Variants in KCNQ3 observed in about 807,000 individuals in gnomAD.
The protein encoded by KCNQ3 is potassium voltage-gated channel subfamily KQT member 3.
KCNQ3 carries 30 observed loss-of-function variants against 92.5 expected under a neutral mutation model. The ratio of observed to expected loss-of-function variants is 0.32; its 90% confidence interval spans 0.24 to 0.44. The LOEUF (loss-of-function observed/expected upper bound fraction) is 0.44, where lower values mean the gene tolerates loss of function less well. Among genes scored for constraint, KCNQ3 ranks in the 20% least tolerant of loss-of-function variants. The pLI is 1.00. For synonymous variants in KCNQ3, 450 were observed against 468.8 expected (o/e 0.96, Z 0.52); for missense variants, 913 against 1,140.3 (o/e 0.80, Z 2.87).
rs201048296 is a variant in KCNQ3 at position 132,447,208 on chromosome 8, C to T, written c.386+32939G>A. 20 of 1,535,270 alleles carry T rather than the reference C, an allele frequency of 1.3e-5. No homozygotes were observed. In the East Asian group the frequency reaches 3.7e-4, roughly 28 times the overall value. On this transcript the variant is annotated intron_variant, in intron 1 of 14. Transcript: ENST00000388996. ...GAGAATCCAAAGACTTACATCGTGGCGTGTTCTGCAGGCTTCATAAGGTAA... is the reference window on the plus strand; with the variant it reads ...GAGAATCCAAAGACTTACATCGTGGTGTGTTCTGCAGGCTTCATAAGGTAA...
intron 1 of KCNQ3, among the ~76,000 whole-genome samples, chr8:132,245,927 G>T (rs937339767): frequency 6.6e-6 from 1 of 152,154 alleles, no homozygotes; most frequent in African/African-American, 2.4e-5. Flanking sequence ...TTAGCAGAGT[G>T]CCTGTTACAA....
intron 1 of KCNQ3, among the ~76,000 whole-genome samples, chr8:132,297,444 C>CTA (rs1162154404): frequency 6.6e-5 from 10 of 152,100 alleles, no homozygotes; most frequent in African/African-American, 2.4e-4. Flanking sequence ...ATTTCATGAC[C>CTA]TATTCTATTT....
In KCNQ3 at chr8:132,394,958, G is replaced by A. The variant is rs552431500; in HGVS notation, c.386+85189C>T. On this transcript the variant is annotated intron_variant, in intron 1 of 14. Transcript: ENST00000388996. ...CGGATGTGGAAACTGAGCTGGGCCTGCTGGTAATGGGGCCTGCCTCCCTGA... is the reference window on the plus strand; with the variant it reads ...CGGATGTGGAAACTGAGCTGGGCCTACTGGTAATGGGGCCTGCCTCCCTGA... 6.7e-4 allele frequency among the ~76,000 whole-genome samples: 102 copies of A among 152,310 alleles called. 2 individuals are homozygous for A. The South Asian group carries it at 0.013, about 19-fold the overall frequency.
At chr8:132,391,929 T>C (rs923117817) in intron 1 of KCNQ3, among the ~76,000 whole-genome samples, 3 of 152,146 alleles carry the variant, frequency 2.0e-5, no homozygotes, top group Admixed American at 1.3e-4. Flanking sequence ...GAAGGGAAGA[T>C]AATAATCCAT....
chr8:132,239,232 C>A (rs1470944086), intron 1 of KCNQ3, among the ~76,000 whole-genome samples: 1 of 152,184 alleles, frequency 6.6e-6, no homozygotes, highest in East Asian at 1.9e-4. Flanking sequence ...TCCAGCCCTC[C>A]CTCCTGTTTA....
At chr8:132,247,690 C>T (rs1459811759) in intron 1 of KCNQ3, among the ~76,000 whole-genome samples, 2 of 151,430 alleles carry the variant, frequency 1.3e-5, no homozygotes, top group Non-Finnish European at 1.5e-5. Context: ...CCCAGCTACT[C>T]GGGAGGCTGA....
intron 1 of KCNQ3, among the ~76,000 whole-genome samples, chr8:132,219,779 GTTTGTT>G (rs747813886): frequency 1.4e-4 from 21 of 152,016 alleles, no homozygotes; most frequent in Non-Finnish European, 2.5e-4. Flanking sequence ...TATTTTGTTT[GTTTGTT>G]TTTATCTGCT....
intron 1 of KCNQ3, among the ~76,000 whole-genome samples, chr8:132,226,477 T>C (rs1215495952): frequency 6.6e-6 from 1 of 152,122 alleles, no homozygotes; most frequent in Non-Finnish European, 1.5e-5. Context: ...TTTTGTGGTA[T>C]ATCTAAAATA....
chr8:132,302,472 G>A (rs1169855328), intron 1 of KCNQ3, among the ~76,000 whole-genome samples: 1 of 152,188 alleles, frequency 6.6e-6, no homozygotes, highest in African/African-American at 2.4e-5. Flanking sequence ...GCCCCTGTTG[G>A]CATTTGCAGT....
At chr8:132,320,971 G>A (rs935026334) in intron 1 of KCNQ3, among the ~76,000 whole-genome samples, 12 of 152,170 alleles carry the variant, frequency 7.9e-5, no homozygotes, top group African/African-American at 2.9e-4. Flanking sequence ...AAACACATAA[G>A]TATGCAGAGG....
At chr8:132,206,640 G>T (rs1037635317) in intron 1 of KCNQ3, among the ~76,000 whole-genome samples, 6 of 152,064 alleles carry the variant, frequency 3.9e-5, no homozygotes, top group Admixed American at 1.3e-4. Flanking sequence ...GCATATAGTT[G>T]CTCATAGTAA....
chr8:132,149,947 T>C (rs1377186932), intron 9 of KCNQ3, among the ~76,000 whole-genome samples: 4 of 152,202 alleles, frequency 2.6e-5, no homozygotes, highest in Non-Finnish European at 4.4e-5. Context: ...AGAAACCATT[T>C]GCCATAAGAA....
chr8:132,228,461 C>T (rs932288629), intron 1 of KCNQ3, among the ~76,000 whole-genome samples: 1 of 152,132 alleles, frequency 6.6e-6, no homozygotes, highest in Non-Finnish European at 1.5e-5. Context: ...AAACAATCCA[C>T]AGTCCCTGCT....
At chr8:132,174,094 G>T in intron 6 of KCNQ3, 145 bp downstream of exon 6, 1 of 702,134 alleles carries the variant, frequency 1.4e-6, no homozygotes. Context: ...GTGGCAAAAA[G>T]GCAGGATCAT....
intron 1 of KCNQ3, chr8:132,447,156 G>C (rs534363702): frequency 7.1e-5 from 105 of 1,487,488 alleles, no homozygotes; most frequent in South Asian, 3.8e-4. Context: ...TCCATCTTAG[G>C]ATGCTCTGTT....
intron 10 of KCNQ3, 199 bp from the exon 11 acceptor site, chr8:132,140,377 A>T: frequency 3.5e-6 from 2 of 566,496 alleles, no homozygotes; most frequent in Non-Finnish European, 6.3e-6. Flanking sequence ...ATTACCCAGA[A>T]GTCCAAGTCA....
At chr8:132,279,436 A>T (rs1816444019) in intron 1 of KCNQ3, among the ~76,000 whole-genome samples, 1 of 152,174 alleles carries the variant, frequency 6.6e-6, no homozygotes, top group Non-Finnish European at 1.5e-5. Context: ...GGTGAGACTT[A>T]GTTTAGGGTC....
At chr8:132,298,026 T>C (rs993772457) in intron 1 of KCNQ3, among the ~76,000 whole-genome samples, 2 of 152,250 alleles carry the variant, frequency 1.3e-5, no homozygotes, top group African/African-American at 4.8e-5. Context: ...TTGATGCTTT[T>C]GTTCCCTTAA....
chr8:132,337,745 T>C (rs1333493926), intron 1 of KCNQ3, among the ~76,000 whole-genome samples: 4 of 152,058 alleles, frequency 2.6e-5, no homozygotes, highest in Non-Finnish European at 4.4e-5. Flanking sequence ...TTGCCCTCAA[T>C]GTGAGGATAA....
Sources: allele counts gnomAD v4.1 joint callset (sites outside exome capture counted in the v4.1 genomes callset), GRCh38; gene constraint gnomAD v4.1.1; transcripts MANE v1.5; gene names NCBI Gene and HGNC (gene_info 2026-07-23, HGNC 2026-07-21).